Variants in ZFYVE28 observed in about 807,000 individuals in gnomAD.
ZFYVE28 encodes the protein zinc finger FYVE-type containing 28, also known as lateral signaling target protein 2 homolog.
ZFYVE28 carries 40 observed loss-of-function variants against 82.1 expected under a neutral mutation model. The observed-to-expected ratio is 0.49, with a 90% CI of 0.38 to 0.63. The LOEUF is 0.63. ZFYVE28 is among the 30% of genes least tolerant of loss of function. ZFYVE28 has a pLI of 0.00. For synonymous variants in ZFYVE28, 612 were observed against 546.1 expected (o/e 1.12, Z -1.68); for missense variants, 1,321 against 1,242.1 (o/e 1.06, Z -0.96).
intron 1 of ZFYVE28, among the ~76,000 whole-genome samples, chr4:2,405,049 A>G (rs960660817): frequency 6.6e-6 from 1 of 152,072 alleles, no homozygotes; most frequent in Non-Finnish European, 1.5e-5. Context: ...AATCTCTTAA[A>G]AGATTAAAAT....
chr4:2,276,956 A>G (rs1395259443), intron 8 of ZFYVE28, among the ~76,000 whole-genome samples: 2 of 152,010 alleles, frequency 1.3e-5, no homozygotes, highest in East Asian at 3.9e-4. Flanking sequence ...TAAATAGTAA[A>G]CTTTATGCTA....
In ZFYVE28 at chr4:2,320,878, G is replaced by T. The variant is rs1718976376; in HGVS notation, c.702-607C>A. On this transcript the variant is annotated intron_variant, in intron 6 of 12. Coordinates refer to ENST00000290974, the MANE Select transcript of ZFYVE28 (RefSeq NM_020972.3). This position sits in a 1 kb window ranked among gnomAD's most constrained non-coding sequence, Gnocchi z 5.1. ...CCCAGGACTGGGGCCGCATGTGGCT[G>T]AGGCCGGCTTTCCTCACTGTCCCTC... Among the ~76,000 whole-genome samples, 1 of 152,098 alleles carries T rather than the reference G, an allele frequency of 6.6e-6. No individual in the cohort carries two copies. Among genetic ancestry groups the T allele is most frequent in the Non-Finnish European group, 1.5e-5 (1 of 68,024 alleles).
In ZFYVE28 at chr4:2,330,367, A is replaced by G. The variant is rs1339200446; in HGVS notation, c.701+5338T>C. The G allele has an allele frequency of 6.0e-6, 6 of 999,956 alleles. No individual in the cohort carries two copies. In the African/African-American group the frequency reaches 1.0e-4, roughly 17 times the overall value. 61.9% of individuals were successfully genotyped at this position (999,956 alleles called of 1,614,324 possible). ...AGCGGTGCAGTGGTGGGGACATCGC[A>G]GAGGGAGGTACAGCAGGGAGTAGGG... is the stretch of plus-strand genomic sequence containing the variant. On this transcript the variant is annotated intron_variant, in intron 6 of 12. Transcript: ENST00000290974.
chr4:2,331,074 C>T, intron 6 of ZFYVE28: 1 of 517,388 alleles, frequency 1.9e-6, no homozygotes, highest in South Asian at 3.5e-5. Flanking sequence ...GGGGTAGACG[C>T]TGGGATGGGC....
At chr4:2,358,265 G>A (rs1356190383) in intron 1 of ZFYVE28, among the ~76,000 whole-genome samples, 1 of 152,230 alleles carries the variant, frequency 6.6e-6, no homozygotes, top group Non-Finnish European at 1.5e-5. Flanking sequence ...CTGTGTGCAT[G>A]TGAATATATG....
rs10682316 is a variant in ZFYVE28, at chr4:2,416,807, C to CCACT, written c.39+1477_39+1478insAGTG. On this transcript the variant is annotated intron_variant, in intron 1 of 12. Transcript: ENST00000290974. The surrounding 1 kb of genome is among the most constrained non-coding windows in gnomAD (Gnocchi z 4.6). ...ACGCCACAGGAACCCTGAATCCCCCCGAGTCCCCTCCCAATCAAGCCAAGG... is the reference window on the plus strand; with the variant it reads ...ACGCCACAGGAACCCTGAATCCCCCCCACTGAGTCCCCTCCCAATCAAGCCAAGG... 6.6e-6 allele frequency among the ~76,000 whole-genome samples: 1 copy of CCACT among 150,642 alleles called. No individual in the cohort carries two copies.
intron 7 of ZFYVE28, among the ~76,000 whole-genome samples, chr4:2,311,085 T>A (rs975489106): frequency 6.6e-6 from 1 of 152,244 alleles, no homozygotes; most frequent in African/African-American, 2.4e-5. Context: ...ATAAAGTTGT[T>A]TATAATATCC....
At chr4:2,321,626 G>A (rs1719090519) in intron 6 of ZFYVE28, among the ~76,000 whole-genome samples, 1 of 152,034 alleles carries the variant, frequency 6.6e-6, no homozygotes, top group Admixed American at 6.5e-5. Flanking sequence ...CCCAAATAGA[G>A]CCTTAACTTT....
At chr4:2,313,949 T>C (rs953219807) in intron 7 of ZFYVE28, among the ~76,000 whole-genome samples, 11 of 152,320 alleles carry the variant, frequency 7.2e-5, no homozygotes, top group Middle Eastern at 3.4e-3. Context: ...TTGAGATTTC[T>C]TACATTCTCA....
chr4:2,318,073 C>A (rs561393790), intron 7 of ZFYVE28, among the ~76,000 whole-genome samples: 2 of 152,346 alleles, frequency 1.3e-5, no homozygotes, highest in African/African-American at 2.4e-5. Context: ...GTTTCACCAG[C>A]CCTTGATTAG....
intron 1 of ZFYVE28, among the ~76,000 whole-genome samples, chr4:2,375,016 GTCTTTCTC>G (rs1727969810): frequency 6.6e-6 from 1 of 152,208 alleles, no homozygotes; most frequent in African/African-American, 2.4e-5. Flanking sequence ...CTAAGTCCTT[GTCTTTCTC>G]TACTGCTTAT....
chr4:2,353,311 G>C (rs1046484591), intron 2 of ZFYVE28, among the ~76,000 whole-genome samples: 3 of 152,216 alleles, frequency 2.0e-5, no homozygotes, highest in African/African-American at 7.2e-5. Context: ...TGTTGGAGGA[G>C]CATGTGTCAG....
chr4:2,374,498 A>T (rs534480890), intron 1 of ZFYVE28, among the ~76,000 whole-genome samples: 4 of 152,188 alleles, frequency 2.6e-5, no homozygotes, highest in Non-Finnish European at 5.9e-5. Context: ...CTGTAGTCCC[A>T]GCCACTAGGG....
chr4:2,271,848 T>C, intron 10 of ZFYVE28, 69 bp from the exon 11 acceptor site: 2 of 1,419,242 alleles, frequency 1.4e-6, no homozygotes, highest in Non-Finnish European at 9.9e-7. Context: ...TCACCTGCAC[T>C]TGCTGGGCAC....
At chr4:2,349,986 A>G (rs79068871) in intron 2 of ZFYVE28, among the ~76,000 whole-genome samples, 4,377 of 151,838 alleles carry the variant, frequency 0.029, 107 homozygotes, top group Middle Eastern at 0.048. Flanking sequence ...CACCACTTCT[A>G]TTCAACTTTG....
chr4:2,359,211 G>C (rs146562445), intron 1 of ZFYVE28, among the ~76,000 whole-genome samples: 2,024 of 151,586 alleles, frequency 0.013, 20 homozygotes, highest in Middle Eastern at 0.034. Context: ...TCGATCACCT[G>C]ACTTCATGAT....
At chr4:2,274,597 C>T (rs1310950259) in intron 8 of ZFYVE28, among the ~76,000 whole-genome samples, 1 of 152,108 alleles carries the variant, frequency 6.6e-6, no homozygotes, top group African/African-American at 2.4e-5. Context: ...TGTCAGGCAG[C>T]CCCCAAAAAT....
intron 1 of ZFYVE28, among the ~76,000 whole-genome samples, chr4:2,378,807 C>A (rs1313154840): frequency 6.6e-6 from 1 of 152,192 alleles, no homozygotes; most frequent in African/African-American, 2.4e-5. Flanking sequence ...CGATACCCAG[C>A]CTTTCATTCT....
chr4:2,317,093 A>G, intron 7 of ZFYVE28, among the ~76,000 whole-genome samples: 1 of 149,774 alleles, frequency 6.7e-6, no homozygotes. Context: ...GGTTCAAGCG[A>G]TTCTCTGGTC....
Sources: gnomAD v4.1 joint callset for allele counts (sites outside exome capture counted in the v4.1 genomes callset) on GRCh38, gnomAD v4.1.1 for gene constraint, Gnocchi (gnomAD v3.1) non-coding constraint, MANE v1.5 for transcripts, NCBI Gene and HGNC (gene_info 2026-07-23, HGNC 2026-07-21) for gene names.